TNR: variants seen among roughly 807,000 people sequenced by gnomAD.
TNR encodes the protein tenascin R.
Under a neutral mutation model 150.4 loss-of-function variants are expected in TNR, and 45 were observed. That is an observed-to-expected ratio of 0.30 (90% confidence interval 0.24 to 0.38). TNR has a LOEUF of 0.38. Ranked by LOEUF, TNR falls within the 10% of genes least tolerant of loss-of-function variation. The pLI is 1.00. For missense variants in TNR, 1,544 were observed against 1,759.1 expected, an observed-to-expected ratio of 0.88 and a Z score of 2.19; for synonymous variants, 687 against 678.4, an observed-to-expected ratio of 1.01 and a Z score of -0.20.
intron 2 of TNR, among the ~76,000 whole-genome samples, chr1:175,474,053 T>C (rs1360560932): frequency 6.6e-6 from 1 of 152,176 alleles, no homozygotes; most frequent in Non-Finnish European, 1.5e-5. Flanking sequence ...TCCATGTTAC[T>C]GGCGGATATA....
intron 1 of TNR, among the ~76,000 whole-genome samples, chr1:175,657,299 G>A (rs1198287717): frequency 6.6e-6 from 1 of 152,172 alleles, no homozygotes; most frequent in East Asian, 1.9e-4. Flanking sequence ...TGGAGAAATA[G>A]GAACACTTTT....
intron 2 of TNR, among the ~76,000 whole-genome samples, chr1:175,471,080 C>G (rs143367954): frequency 1.2e-4 from 18 of 152,314 alleles, no homozygotes; most frequent in African/African-American, 3.6e-4. Flanking sequence ...TTTGACACAT[C>G]TGAGTTAGTC....
intron 1 of TNR, among the ~76,000 whole-genome samples, chr1:175,697,327 C>T (rs1003500170): frequency 2.7e-5 from 4 of 148,684 alleles, no homozygotes; most frequent in Non-Finnish European, 5.9e-5. Flanking sequence ...CAAAGAGCAA[C>T]AAACAGCTCC....
intron 18 of TNR, among the ~76,000 whole-genome samples, chr1:175,344,608 A>G (rs1650688196): frequency 6.6e-6 from 1 of 152,216 alleles, no homozygotes; most frequent in Non-Finnish European, 1.5e-5. Context: ...CTTAGATGAC[A>G]TGGACCAATT....
chr1:175,610,106 G>A (rs909989685), intron 1 of TNR, among the ~76,000 whole-genome samples: 7 of 152,144 alleles, frequency 4.6e-5, no homozygotes, highest in Admixed American at 1.3e-4. Context: ...GCCACCTCAG[G>A]AAAAATATAT....
At chr1:175,583,096 T>C (rs1017104424) in intron 1 of TNR, among the ~76,000 whole-genome samples, 2 of 152,096 alleles carry the variant, frequency 1.3e-5, no homozygotes, top group African/African-American at 4.8e-5. Flanking sequence ...CAGCATAAAA[T>C]AGACTAAGGC....
At chr1:175,602,915 A>G (rs905616338) in intron 1 of TNR, among the ~76,000 whole-genome samples, 1 of 152,220 alleles carries the variant, frequency 6.6e-6, no homozygotes, top group African/African-American at 2.4e-5. Flanking sequence ...TCCCTGTAAT[A>G]TATTTTTATT....
chr1:175,589,872 A>G (rs1662729799), intron 1 of TNR, among the ~76,000 whole-genome samples: 1 of 152,196 alleles, frequency 6.6e-6, no homozygotes, highest in African/African-American at 2.4e-5. Context: ...GGGGAGGGAT[A>G]GCGTTAGGAG....
chr1:175,495,134 G>A (rs1174705548), intron 2 of TNR, among the ~76,000 whole-genome samples: 1 of 152,166 alleles, frequency 6.6e-6, no homozygotes. Flanking sequence ...TACTGGGCCA[G>A]GCAAGTGTGA....
intron 2 of TNR, among the ~76,000 whole-genome samples, chr1:175,451,022 A>G (rs1012126696): frequency 6.6e-6 from 1 of 152,098 alleles, no homozygotes; most frequent in Non-Finnish European, 1.5e-5. Context: ...TGTGAAGGGG[A>G]TGAAGGCATT....
chr1:175,725,756 G>C (rs1351641804), intron 1 of TNR, among the ~76,000 whole-genome samples: 1 of 152,172 alleles, frequency 6.6e-6, no homozygotes, highest in East Asian at 1.9e-4. Context: ...ATATTAAGGA[G>C]GTAAAGTCAA....
intron 1 of TNR, among the ~76,000 whole-genome samples, chr1:175,628,354 T>C (rs1664219760): frequency 6.6e-6 from 1 of 152,012 alleles, no homozygotes; most frequent in Non-Finnish European, 1.5e-5. Context: ...GAAGGCCACT[T>C]AAAGGGACCT....
intron 2 of TNR, among the ~76,000 whole-genome samples, chr1:175,486,175 G>A (rs1658003134): frequency 6.6e-6 from 1 of 151,314 alleles, no homozygotes; most frequent in Non-Finnish European, 1.5e-5. Flanking sequence ...TGCAGAATGT[G>A]CAGGTTTGTT....
intron 2 of TNR, among the ~76,000 whole-genome samples, chr1:175,413,463 G>A (rs1654302836): frequency 6.6e-6 from 1 of 152,184 alleles, no homozygotes; most frequent in African/African-American, 2.4e-5. Flanking sequence ...ACTTGTTCTG[G>A]GACCCATTCT....
chr1:175,460,864 C>T (rs2102104904), intron 2 of TNR, among the ~76,000 whole-genome samples: 1 of 152,338 alleles, frequency 6.6e-6, no homozygotes, highest in African/African-American at 2.4e-5. Flanking sequence ...AGTACCCACA[C>T]AGAAACACAT....
chr1:175,389,316 G>A (rs1653069078), intron 7 of TNR, among the ~76,000 whole-genome samples: 1 of 152,184 alleles, frequency 6.6e-6, no homozygotes, highest in African/African-American at 2.4e-5. Context: ...CTCAGGGCAG[G>A]TAATAGAAAC....
chr1:175,616,500 CT>C (rs1375371366), intron 1 of TNR, among the ~76,000 whole-genome samples: 1 of 152,176 alleles, frequency 6.6e-6, no homozygotes, highest in East Asian at 1.9e-4. Flanking sequence ...GCTTGGGGGT[CT>C]GGTGTAGCCT....
At chr1:175,444,168 C>G (rs1031099119) in intron 2 of TNR, among the ~76,000 whole-genome samples, 17 of 152,142 alleles carry the variant, frequency 1.1e-4, no homozygotes, top group African/African-American at 4.1e-4. Context: ...AACCAGCATA[C>G]AAAGCCGAGG....
chr1:175,405,973 T>A (rs1653938017), intron 3 of TNR, among the ~76,000 whole-genome samples: 2 of 152,222 alleles, frequency 1.3e-5, no homozygotes, highest in African/African-American at 4.8e-5. Context: ...AAACTGGCTA[T>A]GCAGTGTAGA....
Sources: allele counts gnomAD v4.1 joint callset (sites outside exome capture counted in the v4.1 genomes callset), GRCh38; gene constraint gnomAD v4.1.1; transcripts MANE v1.5; gene names NCBI Gene and HGNC (gene_info 2026-07-23, HGNC 2026-07-21).